The following SAMHD1 variants were observed in gnomAD, a reference collection of about 807,000 sequenced individuals.
SAMHD1 encodes the protein SAM and HD domain containing deoxynucleoside triphosphate triphosphohydrolase 1, also known as deoxynucleoside triphosphate triphosphohydrolase SAMHD1.
In SAMHD1, 54 loss-of-function variants were observed where a neutral mutation model predicts 79.6. The ratio of observed to expected loss-of-function variants is 0.68; its 90% CI spans 0.55 to 0.85. The LOEUF is 0.85. SAMHD1 is among the 40% of genes least tolerant of loss of function. SAMHD1 has a pLI of 0.00. For synonymous variants in SAMHD1, 260 were observed against 264.1 expected (o/e 0.98, Z 0.15); for missense variants, 663 against 782.7 (o/e 0.85, Z 1.82).
intron 15 of SAMHD1, among the ~76,000 whole-genome samples, chr20:36,896,577 C>T (rs1033008065): frequency 2.0e-5 from 3 of 152,040 alleles, no homozygotes; most frequent in Admixed American, 6.6e-5. Flanking sequence ...TGGCTCACAC[C>T]TGTAATCCCA....
intron 6 of SAMHD1, among the ~76,000 whole-genome samples, chr20:36,924,329 G>A (rs1236611643): frequency 1.3e-5 from 2 of 150,312 alleles, no homozygotes; most frequent in East Asian, 3.9e-4. Flanking sequence ...GGAAAGAAAG[G>A]AAGGAAAGGA....
At chr20:36,893,154 C>T in intron 15 of SAMHD1, 88 bp from the exon 16 acceptor site, 5 of 1,501,130 alleles carry the variant, frequency 3.3e-6, no homozygotes, top group Non-Finnish European at 3.7e-6. Flanking sequence ...GTGCGCACAT[C>T]CTCATCTTGC....
intron 6 of SAMHD1, among the ~76,000 whole-genome samples, chr20:36,920,768 G>GA (rs11326842): frequency 1.3e-4 from 18 of 143,160 alleles, no homozygotes; most frequent in Admixed American, 2.1e-4. Flanking sequence ...TGTTTCAAAA[G>GA]AAAAAAAAAA....
chr20:36,893,697 T>A (rs771514509), intron 15 of SAMHD1: 2 of 391,354 alleles, frequency 5.1e-6, no homozygotes, highest in Non-Finnish European at 9.0e-6. Context: ...TGTGGGTAGA[T>A]CTTCTTTGGT....
intron 2 of SAMHD1, among the ~76,000 whole-genome samples, chr20:36,945,048 C>A (rs1330151809): frequency 1.3e-5 from 2 of 152,016 alleles, no homozygotes; most frequent in African/African-American, 2.4e-5. Context: ...TACCTACCTA[C>A]CTATCTGAGA....
intron 13 of SAMHD1, among the ~76,000 whole-genome samples, chr20:36,903,018 C>T (rs866694343): frequency 1.3e-5 from 2 of 151,954 alleles, no homozygotes; most frequent in Non-Finnish European, 2.9e-5. Context: ...GGATTATAGG[C>T]GTGAGCCACC....
intron 11 of SAMHD1, among the ~76,000 whole-genome samples, chr20:36,906,877 T>C (rs2063408123): frequency 6.6e-6 from 1 of 151,660 alleles, no homozygotes. Context: ...CTGCAACCTC[T>C]ACCTCCTAGG....
chr20:36,898,403 T>G (rs1286759809), intron 14 of SAMHD1, 37 bp downstream of exon 14: 1 of 1,427,856 alleles, frequency 7.0e-7, no homozygotes, highest in Admixed American at 1.7e-5. Flanking sequence ...ATTTGCTACA[T>G]GCCACTATAG....
chr20:36,947,879 C>A (rs2063705104), intron 1 of SAMHD1, among the ~76,000 whole-genome samples: 1 of 151,902 alleles, frequency 6.6e-6, no homozygotes, highest in Non-Finnish European at 1.5e-5. Context: ...CTGATGTTGC[C>A]CAGGCTGGTC....
chr20:36,900,187 T>C (rs1326855650), intron 13 of SAMHD1, among the ~76,000 whole-genome samples: 2 of 152,122 alleles, frequency 1.3e-5, no homozygotes. Context: ...TACAGCTAGA[T>C]AGGAGGAGTA....
At chr20:36,894,172 ATTT>A (rs1990150377) in intron 15 of SAMHD1, 2 of 385,898 alleles carry the variant, frequency 5.2e-6, no homozygotes, top group Admixed American at 4.5e-5. Flanking sequence ...CCCATGTTAA[ATTT>A]TTTCTGTTGA....
At chr20:36,912,303 AC>A in intron 10 of SAMHD1, 157 bp downstream of exon 10, 1 of 627,388 alleles carries the variant, frequency 1.6e-6, no homozygotes, top group Non-Finnish European at 2.8e-6. Context: ...AACTAAATTA[AC>A]TTTATGCTAG....
intron 9 of SAMHD1, among the ~76,000 whole-genome samples, chr20:36,915,120 G>C (rs1316790494): frequency 6.6e-6 from 1 of 151,296 alleles, no homozygotes; most frequent in Non-Finnish European, 1.5e-5. Context: ...GAGGTGGATG[G>C]GTTGCTTGAG....
chr20:36,897,845 C>G lies in SAMHD1; in HGVS notation c.1723G>C (p.Asp575His). 2.5e-6 allele frequency: 4 copies of G among 1,614,216 alleles called. No individual in the cohort carries two copies. The highest frequency in any genetic ancestry group is 3.4e-6 in the Non-Finnish European group (4 of 1,180,034). The change falls in exon 15 of 16, where the codon GAC becomes CAC. Residue 575 changes from aspartate to histidine, a missense_variant. Asp to His is a moderately conservative substitution (Grantham distance 81, BLOSUM62 -1). Transcript: ENST00000646673. ...ACCTGCGGCTTGGTGAAATTTCTGTCTGCACACCACTGAACAAAATATTGT... is the reference window on the plus strand; with the variant it reads ...ACCTGCGGCTTGGTGAAATTTCTGTGTGCACACCACTGAACAAAATATTGT... ...ARQYFVQWCA[D>H]RNFTKPQDGD...
Position 36,935,010 on chromosome 20 carries a change from C to T in SAMHD1, c.509+19G>A. 1 of 1,613,076 alleles carries T rather than the reference C, an allele frequency of 6.2e-7. No homozygotes were observed. The highest frequency in any genetic ancestry group is 2.2e-5 in the East Asian group (1 of 44,860). ...AAATACTTAAAAACTGCAAGTTCCC[C>T]ACCCCATTCCCTTCTTACCCTAGAC... is the stretch of plus-strand genomic sequence containing the variant. On this transcript the variant is annotated intron_variant, in intron 4 of 15. Coordinates refer to ENST00000646673, the MANE Select transcript of SAMHD1 (RefSeq NM_015474.4).
At chr20:36,893,246 T>G (rs1324367199) in intron 15 of SAMHD1, 180 bp from the exon 16 acceptor site, 11 of 703,218 alleles carry the variant, frequency 1.6e-5, no homozygotes, top group Non-Finnish European at 1.9e-5. Flanking sequence ...TTAGAAACAC[T>G]ACAGTCTTAC....
rs66970329 is a variant in SAMHD1 at position 36,912,751 on chromosome 20, ATTTTTTTT to A, written c.1063-207_1063-200del. Reference sequence around the variant, plus strand: ...AGCCATTTATTGGCTTGCAACTTTCATTTTTTTTTTTTTTTTTTTTTTTTTTAAAAGAT... The same window carrying A: ...AGCCATTTATTGGCTTGCAACTTTCATTTTTTTTTTTTTTTTTTAAAAGAT... On this transcript the variant is annotated intron_variant, in intron 9 of 15. Transcript: ENST00000646673. Among the ~76,000 whole-genome samples the A allele has an allele frequency of 4.3e-3, 459 of 107,030 alleles. 5 individuals are homozygous for A. Among genetic ancestry groups the A allele is most frequent in the African/African-American group, 0.014 (414 of 28,866 alleles). 70.2% of individuals were successfully genotyped at this position (107,030 alleles called of 152,430 possible). A position where few individuals can be genotyped will look rare whatever the true frequency, so the allele number is the denominator to read the frequency against.
chr20:36,921,949 A>C (rs894620852), intron 6 of SAMHD1, among the ~76,000 whole-genome samples: 1 of 152,170 alleles, frequency 6.6e-6, no homozygotes, highest in African/African-American at 2.4e-5. Flanking sequence ...TTGGCCTCCC[A>C]AAGTGCTGGG....
chr20:36,912,431 TTA>T, intron 10 of SAMHD1, 28 bp downstream of exon 10: 13 of 1,477,982 alleles, frequency 8.8e-6, no homozygotes, highest in Non-Finnish European at 1.2e-5. Flanking sequence ...AAGGAAAATT[TTA>T]TAGGGAAATG....
Sources: allele counts gnomAD v4.1 joint callset (sites outside exome capture counted in the v4.1 genomes callset), GRCh38; gene constraint gnomAD v4.1.1; transcripts MANE v1.5; gene names NCBI Gene and HGNC (gene_info 2026-07-23, HGNC 2026-07-21).